Variants in SP100 observed in about 807,000 individuals in gnomAD.
The protein encoded by SP100 is nuclear autoantigen Sp-100.
SP100 carries 84 observed loss-of-function variants against 130.0 expected under a neutral mutation model. The observed-to-expected ratio is 0.65, with a 90% CI of 0.54 to 0.77. The LOEUF is 0.77. SP100 is among the 30% of genes least tolerant of loss of function. The probability of loss-of-function intolerance (pLI) is 0.00; values close to 1 mark genes in which losing one functional copy is unlikely to be tolerated. For synonymous variants in SP100, 331 were observed against 351.7 expected (o/e 0.94, Z 0.66); for missense variants, 978 against 1,052.2 (o/e 0.93, Z 0.97).
chr2:230,467,258 A>C, intron 13 of SP100, 43 bp downstream of exon 13: 2 of 1,356,926 alleles, frequency 1.5e-6, no homozygotes, highest in Non-Finnish European at 2.1e-6. Context: ...ACTTCAGAGC[A>C]CCTCTTCCCT....
chr2:230,523,848 G>A (rs1378131224), intron 24 of SP100, among the ~76,000 whole-genome samples: 1 of 152,068 alleles, frequency 6.6e-6, no homozygotes, highest in Admixed American at 6.5e-5. Context: ...GGTAGAGGTT[G>A]CAGTAAGCTG....
At chr2:230,473,077 C>CAA (rs2065356016) in intron 15 of SP100, 1 of 347,678 alleles carries the variant, frequency 2.9e-6, no homozygotes, top group Non-Finnish European at 5.3e-6. Context: ...AGCCTTTGCT[C>CAA]CTCCAGTGTT....
intron 22 of SP100, 147 bp from the exon 23 acceptor site, chr2:230,507,846 C>A: frequency 1.5e-6 from 1 of 688,466 alleles, no homozygotes; most frequent in Non-Finnish European, 2.4e-6. Flanking sequence ...CCTGGAGAAT[C>A]ATGAAAAGTA....
At chr2:230,516,527 A>G (rs1690923833) in intron 24 of SP100, 2 of 152,312 alleles carry the variant, frequency 1.3e-5, no homozygotes, top group South Asian at 2.1e-4. Flanking sequence ...TCCTCCATCA[A>G]TTTAGTCTCA....
chr2:230,526,070 A>G (rs1015289162), intron 24 of SP100, among the ~76,000 whole-genome samples: 1 of 152,198 alleles, frequency 6.6e-6, no homozygotes. Context: ...TCAGCAAGGC[A>G]TTTGAAGCCT....
chr2:230,438,760 C>T (rs547862418), intron 2 of SP100, among the ~76,000 whole-genome samples: 1 of 151,746 alleles, frequency 6.6e-6, no homozygotes, highest in East Asian at 1.9e-4. Context: ...TTTATCTACT[C>T]ATTGATTAGT....
intron 24 of SP100, among the ~76,000 whole-genome samples, chr2:230,530,880 C>A (rs182347357): frequency 6.6e-6 from 1 of 152,126 alleles, no homozygotes; most frequent in East Asian, 1.9e-4. Flanking sequence ...TACCATCTCA[C>A]GCCAGGTAGA....
chr2:230,416,416 A>G lies in SP100; in HGVS notation c.32+88A>G. The G allele has an allele frequency of 2.7e-6, 3 of 1,114,996 alleles. No homozygotes were observed. In the South Asian group the frequency reaches 4.0e-5, roughly 15 times the overall value. The allele number at this position is 1,114,996 out of a possible 1,614,324, so 69.1% of individuals were successfully genotyped here. Reference sequence around the variant, plus strand: ...TAGTTCAGTTTGTGCCTAAGGCTTCACTTTAATCCTTCTTTGCAAGAACAT... The same window carrying G: ...TAGTTCAGTTTGTGCCTAAGGCTTCGCTTTAATCCTTCTTTGCAAGAACAT... On this transcript the variant is annotated intron_variant, in intron 1 of 28. Transcript: ENST00000340126.
chr2:230,420,077 C>A (rs556512188), intron 2 of SP100, among the ~76,000 whole-genome samples: 1 of 152,160 alleles, frequency 6.6e-6, no homozygotes, highest in Non-Finnish European at 1.5e-5. Context: ...GTAAATCTCT[C>A]CATTTATTCA....
intron 3 of SP100, among the ~76,000 whole-genome samples, chr2:230,443,862 C>T (rs948088349): frequency 2.0e-5 from 3 of 152,212 alleles, no homozygotes; most frequent in African/African-American, 7.2e-5. Context: ...TCATCAATTG[C>T]CTGCTACGTC....
At position 230,539,310 on chromosome 2, in the gene SP100, G is replaced by A. The variant is rs113004380; in HGVS notation, c.2138G>A (p.Arg713Gln). 135 of 1,613,968 alleles carry A rather than the reference G, an allele frequency of 8.4e-5. No homozygotes were observed. Among genetic ancestry groups the A allele is most frequent in the East Asian group, 5.3e-4 (24 of 44,878 alleles). ...NICEVCNKWGRLFCCDTCPRS... is the reference protein window; with the variant it reads ...NICEVCNKWGQLFCCDTCPRS... ...TGTGAGGTGTGCAACAAATGGGGAC[G>A]GCTGTTCTGCTGCGACACTTGTCCA... Residue 713 changes from arginine to glutamine, a missense_variant, in exon 25 of 29, where the codon CGG (arginine) becomes CAG (glutamine). Coordinates refer to ENST00000340126, the MANE Select transcript of SP100 (RefSeq NM_001080391.2).
At chr2:230,453,539 T>A (rs2064123046) in intron 8 of SP100, among the ~76,000 whole-genome samples, 1 of 152,232 alleles carries the variant, frequency 6.6e-6, no homozygotes, top group African/African-American at 2.4e-5. Flanking sequence ...TTGAATTTTG[T>A]CAAATGCTTT....
At chr2:230,439,022 T>G (rs2063386402) in intron 2 of SP100, among the ~76,000 whole-genome samples, 1 of 152,196 alleles carries the variant, frequency 6.6e-6, no homozygotes, top group African/African-American at 2.4e-5. Context: ...CTATCATGTT[T>G]TTATTTTTTA....
chr2:230,530,583 T>C (rs142398008), intron 24 of SP100, among the ~76,000 whole-genome samples: 1 of 152,024 alleles, frequency 6.6e-6, no homozygotes, highest in South Asian at 2.1e-4. Context: ...GACAAATGGG[T>C]TCTAATTAAA....
At position 230,419,627 on chromosome 2, in the gene SP100, G is replaced by A. The variant is rs188863332; in HGVS notation, c.107+1962G>A. Among the ~76,000 whole-genome samples the A allele has an allele frequency of 1.1e-3, 168 of 152,280 alleles. 1 individual carries two copies. The highest frequency in any genetic ancestry group is 2.1e-3 in the Non-Finnish European group (143 of 67,994). ...TAATATCTACAGTATGATGTTTTGA[G>A]AGACAAAAAGAGACCACATTTACAT... On this transcript the variant is annotated intron_variant, in intron 2 of 28. Transcript: ENST00000340126.
chr2:230,467,523 C>T (rs988919325), intron 13 of SP100, among the ~76,000 whole-genome samples: 2 of 152,212 alleles, frequency 1.3e-5, no homozygotes, highest in African/African-American at 2.4e-5. Context: ...TACAGTTCCA[C>T]ATGGCTGGGG....
chr2:230,442,795 T>C, intron 2 of SP100, 142 bp from the exon 3 acceptor site: 1 of 677,988 alleles, frequency 1.5e-6, no homozygotes, highest in Non-Finnish European at 2.5e-6. Context: ...TTCAATTGCA[T>C]TTATTCTGGC....
chr2:230,463,944 G>A, intron 10 of SP100, 123 bp from the exon 11 acceptor site: 1 of 654,336 alleles, frequency 1.5e-6, no homozygotes, highest in South Asian at 1.8e-5. Flanking sequence ...CATGGCCTGT[G>A]TACAGGCGAG....
In SP100 at chr2:230,496,339, C is replaced by T. The variant is rs1025950420; in HGVS notation, c.1645+1879C>T. 9.2e-5 allele frequency among the ~76,000 whole-genome samples: 14 copies of T among 152,204 alleles called. No individual in the cohort carries two copies. The East Asian group carries it at 1.4e-3, about 15-fold the overall frequency. On this transcript the variant is annotated intron_variant, in intron 18 of 28. Coordinates refer to ENST00000340126, the MANE Select transcript of SP100 (RefSeq NM_001080391.2). Reference sequence around the variant, plus strand: ...TAATATCTCATTTAATATTAAAAAGCGTGAGCTGATATAATATTAAAACTG... The same window carrying T: ...TAATATCTCATTTAATATTAAAAAGTGTGAGCTGATATAATATTAAAACTG...
Sources: gnomAD v4.1 joint callset for allele counts (sites outside exome capture counted in the v4.1 genomes callset) on GRCh38, gnomAD v4.1.1 for gene constraint, MANE v1.5 for transcripts, NCBI Gene and HGNC (gene_info 2026-07-23, HGNC 2026-07-21) for gene names.